WDR7: variants seen among roughly 807,000 people sequenced by gnomAD.
WDR7 encodes WD repeat domain 7, also known as WD repeat-containing protein 7.
A neutral mutation model predicts 169.4 loss-of-function variants in WDR7; 46 were observed. The ratio of observed to expected loss-of-function variants is 0.27; its 90% CI spans 0.21 to 0.35. WDR7 has a LOEUF of 0.35. Among genes scored for constraint, WDR7 ranks in the 10% least tolerant of loss-of-function variants. The probability of loss-of-function intolerance (pLI) is 1.00; values close to 1 mark genes in which losing one functional copy is unlikely to be tolerated. For synonymous variants in WDR7, 612 were observed against 666.8 expected, an observed-to-expected ratio of 0.92 and a Z score of 1.27; for missense variants, 1,534 against 1,859.3, an observed-to-expected ratio of 0.83 and a Z score of 3.22.
At chr18:56,995,110 G>A (rs1176519211) in intron 26 of WDR7, among the ~76,000 whole-genome samples, 5 of 152,112 alleles carry the variant, frequency 3.3e-5, no homozygotes, top group Non-Finnish European at 7.4e-5. Context: ...TCTGAGTCTG[G>A]TATAAAGCTA....
At chr18:56,677,664 G>C (rs2025271938) in intron 2 of WDR7, among the ~76,000 whole-genome samples, 1 of 152,084 alleles carries the variant, frequency 6.6e-6, no homozygotes, top group South Asian at 2.1e-4. Context: ...TGTATGTTGT[G>C]TCTTTTCTTT....
chr18:56,749,258 A>C (rs775407837), intron 14 of WDR7, among the ~76,000 whole-genome samples: 2 of 152,252 alleles, frequency 1.3e-5, no homozygotes, highest in Non-Finnish European at 2.9e-5. Context: ...GAAATTTAAA[A>C]TTATTCAGAA....
In WDR7 at chr18:56,757,104, C is replaced by G; in HGVS notation, c.2511C>G (p.Leu837=). The change falls in exon 15 of 28, where the codon CTC becomes CTG. Residue 837 remains leucine, a synonymous_variant. Coordinates refer to ENST00000254442, the MANE Select transcript of WDR7 (RefSeq NM_015285.3). ...CCCACTGCACCGTATCGTTTGGCCT[C>G]TTGTCAAGAGGAGGCCATATGTCAC... is the stretch of plus-strand genomic sequence containing the variant. The part of the protein sequence containing the change: ...LKPHCTVSFG[L]LSRGGHMSLM... 1.2e-6 allele frequency: 2 copies of G among 1,614,146 alleles called. No homozygotes were observed. The highest frequency in any genetic ancestry group is 2.2e-5 in the South Asian group (2 of 91,082).
intron 16 of WDR7, among the ~76,000 whole-genome samples, chr18:56,772,689 A>G (rs2044183196): frequency 6.6e-6 from 1 of 151,502 alleles, no homozygotes; most frequent in Admixed American, 6.6e-5. Flanking sequence ...AGAGATATAT[A>G]TCATATAAAA....
At chr18:56,751,170 C>A (rs1005123283) in intron 14 of WDR7, among the ~76,000 whole-genome samples, 2 of 152,100 alleles carry the variant, frequency 1.3e-5, no homozygotes, top group Non-Finnish European at 2.9e-5. Flanking sequence ...GAAATTGCAT[C>A]CCGATATCAT....
chr18:56,921,439 A>G (rs1319815144), intron 21 of WDR7, among the ~76,000 whole-genome samples: 1 of 152,198 alleles, frequency 6.6e-6, no homozygotes, highest in East Asian at 1.9e-4. Context: ...TGTTACTTGG[A>G]GACTATAATT....
At chr18:56,917,318 A>G (rs1035854923) in intron 21 of WDR7, among the ~76,000 whole-genome samples, 2 of 152,226 alleles carry the variant, frequency 1.3e-5, no homozygotes, top group Admixed American at 1.3e-4. Flanking sequence ...GTGAAATAGC[A>G]ATATAAAAGT....
Position 56,804,549 on chromosome 18 carries a change from A to G in WDR7, c.3191-11482A>G, listed in dbSNP as rs556873744. On this transcript the variant is annotated intron_variant, in intron 19 of 27. Transcript: ENST00000254442. The stretch of plus-strand genomic sequence containing the variant: ...GTAAAAACTCTGGTATGCTAATGAC[A>G]GTCATATGGATATAACAGTTATGAG... Among the ~76,000 whole-genome samples the G allele has an allele frequency of 2.0e-5, 3 of 152,336 alleles. No homozygotes were observed. In the East Asian group the frequency reaches 5.8e-4, roughly 29 times the overall value.
intron 26 of WDR7, among the ~76,000 whole-genome samples, chr18:56,989,105 A>C (rs747476015): frequency 6.6e-6 from 1 of 151,562 alleles, no homozygotes; most frequent in Non-Finnish European, 1.5e-5. Context: ...AAATGGTGAG[A>C]ATACCATGGC....
At chr18:56,824,332 T>A (rs1278971003) in intron 20 of WDR7, among the ~76,000 whole-genome samples, 1 of 152,236 alleles carries the variant, frequency 6.6e-6, no homozygotes, top group Non-Finnish European at 1.5e-5. Context: ...CTTAATAATA[T>A]GTAGCAATAA....
chr18:56,725,216 G>A (rs2026418426), intron 13 of WDR7, among the ~76,000 whole-genome samples: 1 of 150,704 alleles, frequency 6.6e-6, no homozygotes, highest in Non-Finnish European at 1.5e-5. Context: ...CTAGATCCCT[G>A]AGGAATCACC....
At chr18:57,026,757 T>C (rs1031238482) in intron 27 of WDR7, among the ~76,000 whole-genome samples, 1 of 152,208 alleles carries the variant, frequency 6.6e-6, no homozygotes, top group African/African-American at 2.4e-5. Context: ...TTCCTAAAGA[T>C]CCATGGACTC....
chr18:56,982,247 G>A (rs959222464), intron 26 of WDR7, among the ~76,000 whole-genome samples: 2 of 152,154 alleles, frequency 1.3e-5, no homozygotes, highest in African/African-American at 4.8e-5. Context: ...TTAAAATTTG[G>A]TGGATTTCAA....
At chr18:56,927,277 G>A (rs2046821351) in intron 22 of WDR7, among the ~76,000 whole-genome samples, 1 of 151,920 alleles carries the variant, frequency 6.6e-6, no homozygotes, top group African/African-American at 2.4e-5. Flanking sequence ...ACTCCTAAGA[G>A]GTCTCCTAAA....
At chr18:56,743,369 C>T (rs1380904900) in intron 14 of WDR7, among the ~76,000 whole-genome samples, 1 of 152,200 alleles carries the variant, frequency 6.6e-6, no homozygotes, top group East Asian at 1.9e-4. Context: ...CAGAGCTAGA[C>T]TCTGGGCTTA....
chr18:56,747,598 G>A (rs2043725519), intron 14 of WDR7, among the ~76,000 whole-genome samples: 1 of 152,096 alleles, frequency 6.6e-6, no homozygotes, highest in Non-Finnish European at 1.5e-5. Flanking sequence ...ACTACCTAAG[G>A]TATGAACCAA....
At chr18:56,686,101 A>T in intron 6 of WDR7, 69 bp downstream of exon 6, 3 of 1,298,180 alleles carry the variant, frequency 2.3e-6, no homozygotes. Context: ...TAGTAATGAT[A>T]TGCCCCTTCC....
At chr18:56,818,664 G>C (rs965349426) in intron 20 of WDR7, among the ~76,000 whole-genome samples, 1 of 152,126 alleles carries the variant, frequency 6.6e-6, no homozygotes, top group East Asian at 1.9e-4. Flanking sequence ...TTTTTGTGAG[G>C]GTTTAGAAGA....
At chr18:56,678,622 G>T (rs1365986280) in intron 2 of WDR7, among the ~76,000 whole-genome samples, 1 of 152,058 alleles carries the variant, frequency 6.6e-6, no homozygotes, top group African/African-American at 2.4e-5. Flanking sequence ...TCAGCCTCCT[G>T]AGTAGCTGGA....
Sources: gnomAD v4.1 joint callset for allele counts (sites outside exome capture counted in the v4.1 genomes callset) on GRCh38, gnomAD v4.1.1 for gene constraint, MANE v1.5 for transcripts, NCBI Gene and HGNC (gene_info 2026-07-23, HGNC 2026-07-21) for gene names.